The following CSGALNACT1 variants were observed in gnomAD, a reference collection of about 807,000 sequenced individuals.
CSGALNACT1 encodes beta4GalNAcT-1.
CSGALNACT1 carries 52 observed loss-of-function variants against 51.0 expected under a neutral mutation model. The observed-to-expected ratio is 1.02, with a 90% CI of 0.82 to 1.29. The LOEUF is 1.29. Ranked by LOEUF, CSGALNACT1 falls within the 50% of genes most tolerant of loss-of-function variation. The pLI is 0.00. For synonymous variants in CSGALNACT1, 341 were observed against 254.4 expected (o/e 1.34, Z -3.24); for missense variants, 935 against 679.2 (o/e 1.38, Z -4.19).
At chr8:19,540,862 C>T (rs749475811) in intron 3 of CSGALNACT1, among the ~76,000 whole-genome samples, 4 of 152,130 alleles carry the variant, frequency 2.6e-5, no homozygotes, top group Non-Finnish European at 5.9e-5. Flanking sequence ...ATGGATGTCA[C>T]CTGCCAGGAT....
At chr8:19,563,936 C>T (rs1194987482) in intron 3 of CSGALNACT1, among the ~76,000 whole-genome samples, 5 of 152,130 alleles carry the variant, frequency 3.3e-5, no homozygotes, top group African/African-American at 1.2e-4. Flanking sequence ...CGCACACTCA[C>T]ACACCACGCT....
intron 3 of CSGALNACT1, among the ~76,000 whole-genome samples, chr8:19,590,101 C>A (rs956885767): frequency 6.6e-6 from 1 of 152,150 alleles, no homozygotes; most frequent in African/African-American, 2.4e-5. Flanking sequence ...TGCCTCCTGC[C>A]CAAGTTTGGT....
intron 3 of CSGALNACT1, among the ~76,000 whole-genome samples, chr8:19,544,446 T>A (rs191587649): frequency 1.3e-3 from 202 of 152,342 alleles, no homozygotes; most frequent in South Asian, 1.7e-3. Flanking sequence ...ATGACATTTT[T>A]ATTTTTTTCT....
chr8:19,644,033 T>C (rs1243681300), intron 1 of CSGALNACT1, among the ~76,000 whole-genome samples: 1 of 152,256 alleles, frequency 6.6e-6, no homozygotes, highest in Non-Finnish European at 1.5e-5. Context: ...AATTGTAATT[T>C]ACATGCCTAA....
At chr8:19,727,799 G>A (rs1451367804) in intron 1 of CSGALNACT1, among the ~76,000 whole-genome samples, 2 of 152,122 alleles carry the variant, frequency 1.3e-5, no homozygotes, top group Non-Finnish European at 2.9e-5. Context: ...ACCAAGGTGG[G>A]CCTCAGTTGT....
chr8:19,441,025 C>T (rs1204409182), intron 5 of CSGALNACT1, among the ~76,000 whole-genome samples: 1 of 152,070 alleles, frequency 6.6e-6, no homozygotes, highest in Non-Finnish European at 1.5e-5. Flanking sequence ...TATGAAGGAC[C>T]TCTTCAAGGA....
exon 10 of CSGALNACT1, chr8:19,404,666 A>G (rs1323877352): frequency 2.2e-6 from 1 of 453,510 alleles, no homozygotes; most frequent in Non-Finnish European, 4.4e-6. Flanking sequence ...AGCCAGGAGG[A>G]GCACCCTGTT....
intron 8 of CSGALNACT1, among the ~76,000 whole-genome samples, chr8:19,415,576 A>G (rs548682395): frequency 6.6e-6 from 1 of 152,248 alleles, no homozygotes; most frequent in East Asian, 1.9e-4. Flanking sequence ...GCCTAACTGC[A>G]CTGTGCCTCT....
At chr8:19,471,336 T>C (rs942809621) in intron 4 of CSGALNACT1, among the ~76,000 whole-genome samples, 1 of 152,112 alleles carries the variant, frequency 6.6e-6, no homozygotes, top group African/African-American at 2.4e-5. Context: ...AATCCCAGGA[T>C]CAAGTTTAAA....
intron 6 of CSGALNACT1, among the ~76,000 whole-genome samples, chr8:19,433,207 T>A (rs893270571): frequency 6.6e-6 from 1 of 152,170 alleles, no homozygotes; most frequent in Non-Finnish European, 1.5e-5. Flanking sequence ...AACCAGTAAG[T>A]CTCTCTGATT....
intron 1 of CSGALNACT1, among the ~76,000 whole-genome samples, chr8:19,734,474 G>T (rs2154247194): frequency 6.6e-6 from 1 of 152,276 alleles, no homozygotes; most frequent in East Asian, 1.9e-4. Context: ...TCCTTTCTCT[G>T]TCCATATATA....
At chr8:19,404,977 T>C in exon 10 of CSGALNACT1, 4 of 454,144 alleles carry the variant, frequency 8.8e-6, no homozygotes, top group Non-Finnish European at 1.3e-5. Flanking sequence ...AATCAGCATT[T>C]GGCATGTCCT....
rs141762631 is a variant in CSGALNACT1, at chr8:19,500,861, G to T, written c.634+4340C>A. 3.5e-3 allele frequency among the ~76,000 whole-genome samples: 526 copies of T among 152,292 alleles called. 6 individuals are homozygous for T. The highest frequency in any genetic ancestry group is 5.5e-3 in the Non-Finnish European group (371 of 68,018). ...TATTTTCTCACAATTACGGAGGCCG[G>T]GAAGTCCAAGATCAAGGCCCAGGCA... On this transcript the variant is annotated intron_variant, in intron 4 of 9. Coordinates refer to ENST00000454498, the Ensembl canonical transcript of CSGALNACT1.
chr8:19,636,085 T>C (rs1021277000), intron 1 of CSGALNACT1, among the ~76,000 whole-genome samples: 5 of 152,194 alleles, frequency 3.3e-5, no homozygotes, highest in South Asian at 2.1e-4. Flanking sequence ...CCATTAACTA[T>C]ATGCCGTAGT....
intron 1 of CSGALNACT1, among the ~76,000 whole-genome samples, chr8:19,672,748 CTTA>C: frequency 6.6e-6 from 1 of 152,178 alleles, no homozygotes; most frequent in Admixed American, 6.5e-5. Context: ...CAAAAAGAAA[CTTA>C]TTTTTTATAC....
At chr8:19,519,955 T>A (rs1386291765) in intron 3 of CSGALNACT1, among the ~76,000 whole-genome samples, 1 of 152,200 alleles carries the variant, frequency 6.6e-6, no homozygotes, top group Non-Finnish European at 1.5e-5. Context: ...ATTCCTACAC[T>A]GAAAGGTGCC....
At chr8:19,561,426 G>A (rs1275293470) in intron 3 of CSGALNACT1, among the ~76,000 whole-genome samples, 1 of 152,198 alleles carries the variant, frequency 6.6e-6, no homozygotes, top group East Asian at 1.9e-4. Context: ...ATAAGAAACA[G>A]ATGAAAAATA....
intron 1 of CSGALNACT1, among the ~76,000 whole-genome samples, chr8:19,661,957 T>G (rs1160994862): frequency 6.6e-6 from 1 of 151,602 alleles, no homozygotes. Context: ...CCTATTTCCA[T>G]AGCAGTCATT....
intron 1 of CSGALNACT1, among the ~76,000 whole-genome samples, chr8:19,617,238 C>CA (rs1456827464): frequency 6.6e-6 from 1 of 152,162 alleles, no homozygotes; most frequent in African/African-American, 2.4e-5. Context: ...AGCAGTGATG[C>CA]AAGTGATGGG....
Sources: allele counts gnomAD v4.1 joint callset (sites outside exome capture counted in the v4.1 genomes callset), GRCh38; gene constraint gnomAD v4.1.1; transcripts MANE v1.5; gene names NCBI Gene and HGNC (gene_info 2026-07-23, HGNC 2026-07-21).